SLC25A21: variants seen among roughly 807,000 people sequenced by gnomAD.
SLC25A21 encodes the protein mitochondrial 2-oxodicarboxylate carrier.
A neutral mutation model predicts 43.8 loss-of-function variants in SLC25A21; 47 were observed. That is an observed-to-expected ratio of 1.07 (90% confidence interval 0.85 to 1.37). SLC25A21 has a LOEUF of 1.37. SLC25A21 is among the 40% of genes most tolerant of loss of function. The pLI, the probability that SLC25A21 is intolerant of heterozygous loss-of-function variation, is 0.00. For missense variants in SLC25A21, 352 were observed against 350.2 expected (o/e 1.00, Z -0.04); for synonymous variants, 131 against 121.3 (o/e 1.08, Z -0.52).
rs1882056911 is a variant in SLC25A21, at chr14:36,679,088, T to C, written c.*1570A>G. 1.0e-6 allele frequency: 1 copy of C among 985,458 alleles called. No individual in the cohort carries two copies. Among genetic ancestry groups the C allele is most frequent in the Non-Finnish European group, 1.2e-6 (1 of 829,946 alleles). 61.0% of individuals were successfully genotyped at this position (985,458 alleles called of 1,614,324 possible). On this transcript the variant is annotated 3_prime_UTR_variant, in exon 10 of 10. Transcript: ENST00000331299. ...TGGAGAGGTTAAAGGTTCAATTTCA[T>C]GACCTCTATGCAGGCAGCGCTCTCA...
At chr14:37,015,541 A>C (rs1054296120) in intron 1 of SLC25A21, among the ~76,000 whole-genome samples, 7 of 151,788 alleles carry the variant, frequency 4.6e-5, no homozygotes, top group South Asian at 2.1e-4. Context: ...ATTTATAGTC[A>C]TTTGGGTATA....
At chr14:37,057,939 T>C (rs1961865903) in intron 1 of SLC25A21, among the ~76,000 whole-genome samples, 1 of 152,168 alleles carries the variant, frequency 6.6e-6, no homozygotes, top group South Asian at 2.1e-4. Flanking sequence ...CCCAGAATGG[T>C]TTGCATTTTT....
intron 4 of SLC25A21, 104 bp from the exon 5 acceptor site, chr14:36,729,670 C>A: frequency 2.1e-6 from 2 of 935,496 alleles, no homozygotes; most frequent in East Asian, 2.7e-5. Flanking sequence ...ACCAGCATTT[C>A]AAAAAATGAT....
At chr14:36,753,960 A>AGAGAGAGAGAGAGAGAG (rs1491582315) in intron 3 of SLC25A21, among the ~76,000 whole-genome samples, 4 of 141,546 alleles carry the variant, frequency 2.8e-5, no homozygotes, top group Non-Finnish European at 4.7e-5. Context: ...AGAGAGAGAG[A>AGAGAGAGAGAGAGAGAG]AAGAGAGAGA....
intron 6 of SLC25A21, among the ~76,000 whole-genome samples, chr14:36,718,924 A>C (rs1454798894): frequency 1.3e-5 from 2 of 152,158 alleles, no homozygotes; most frequent in Admixed American, 6.5e-5. Context: ...ACAGTTTCCT[A>C]TAGGTTTAGG....
intron 1 of SLC25A21, among the ~76,000 whole-genome samples, chr14:37,029,412 C>A (rs1961160363): frequency 1.3e-5 from 2 of 152,050 alleles, no homozygotes; most frequent in Non-Finnish European, 2.9e-5. Flanking sequence ...GTTGTTACTG[C>A]ATAAGTCTTT....
intron 2 of SLC25A21, among the ~76,000 whole-genome samples, chr14:36,860,134 GAAAAA>G (rs71124782): frequency 7.2e-6 from 1 of 137,992 alleles, no homozygotes. Flanking sequence ...ATAAGGTAAT[GAAAAA>G]AAAAAAAAAG....
chr14:37,058,436 GA>G (rs1961876725), intron 1 of SLC25A21, among the ~76,000 whole-genome samples: 1 of 152,154 alleles, frequency 6.6e-6, no homozygotes, highest in Admixed American at 6.5e-5. Context: ...ATAAAATAAT[GA>G]AAGCATCTCA....
intron 2 of SLC25A21, among the ~76,000 whole-genome samples, chr14:36,840,211 T>G (rs906891604): frequency 6.7e-6 from 1 of 148,236 alleles, no homozygotes; most frequent in Non-Finnish European, 1.5e-5. Flanking sequence ...AAAGCGAGGT[T>G]TTTTTTTTTA....
At chr14:36,826,628 G>A (rs1295900872) in intron 2 of SLC25A21, among the ~76,000 whole-genome samples, 1 of 152,216 alleles carries the variant, frequency 6.6e-6, no homozygotes, top group East Asian at 1.9e-4. Context: ...TGAAGTCCAT[G>A]AACATTAGTG....
chr14:36,761,458 T>C lies in SLC25A21; in HGVS notation c.204-26885A>G, dbSNP rs114717132. The stretch of plus-strand genomic sequence containing the variant: ...TTGGCTTATTTTAAAGTTGACTTGA[T>C]TGAGTTGCAGAGACTGCTATAGAGC... On this transcript the variant is annotated intron_variant, in intron 3 of 9. Transcript: ENST00000331299. Among the ~76,000 whole-genome samples, 1,450 of 152,348 alleles carry C rather than the reference T, an allele frequency of 9.5e-3. 29 individuals are homozygous for C. Among genetic ancestry groups the C allele is most frequent in the African/African-American group, 0.032 (1,351 of 41,570 alleles).
chr14:37,085,566 C>T (rs1962468359), intron 1 of SLC25A21, among the ~76,000 whole-genome samples: 1 of 152,126 alleles, frequency 6.6e-6, no homozygotes, highest in Admixed American at 6.5e-5. Context: ...ACATTGTATT[C>T]TGCTAGAAAC....
intron 1 of SLC25A21, among the ~76,000 whole-genome samples, chr14:37,059,597 A>G (rs1228897149): frequency 6.6e-6 from 1 of 152,190 alleles, no homozygotes; most frequent in Non-Finnish European, 1.5e-5. Context: ...GTTAACCGAA[A>G]CAAACAAACA....
At chr14:36,684,667 T>C in intron 8 of SLC25A21, 77 bp downstream of exon 8, 1 of 1,383,144 alleles carries the variant, frequency 7.2e-7, no homozygotes, top group Non-Finnish European at 9.7e-7. Context: ...CTGGTTCTCA[T>C]CTAAATGGAA....
At chr14:36,869,808 T>C (rs764212315) in intron 2 of SLC25A21, among the ~76,000 whole-genome samples, 9 of 152,048 alleles carry the variant, frequency 5.9e-5, no homozygotes, top group African/African-American at 1.2e-4. Flanking sequence ...ATTGGAGAAA[T>C]AGTATCCCCA....
chr14:36,826,073 T>A (rs1888820649), intron 2 of SLC25A21, among the ~76,000 whole-genome samples: 1 of 152,228 alleles, frequency 6.6e-6, no homozygotes. Flanking sequence ...TCTGTACTGG[T>A]CACCCAAGTG....
At chr14:36,904,367 G>C (rs1469805691) in intron 1 of SLC25A21, among the ~76,000 whole-genome samples, 3 of 152,046 alleles carry the variant, frequency 2.0e-5, no homozygotes, top group Admixed American at 6.6e-5. Flanking sequence ...ATACAGAATG[G>C]TTTTTCCCTT....
chr14:36,767,233 T>G (rs898022800), intron 3 of SLC25A21, among the ~76,000 whole-genome samples: 1 of 152,182 alleles, frequency 6.6e-6, no homozygotes, highest in African/African-American at 2.4e-5. Flanking sequence ...GGCTTTCATA[T>G]AAAAAGTGCT....
chr14:36,785,728 G>A (rs1031315860), intron 3 of SLC25A21, among the ~76,000 whole-genome samples: 3 of 152,110 alleles, frequency 2.0e-5, no homozygotes, highest in Non-Finnish European at 4.4e-5. Context: ...CACATTCAGG[G>A]GGCCAGATGT....
Sources: gnomAD v4.1 joint callset for allele counts (sites outside exome capture counted in the v4.1 genomes callset) on GRCh38, gnomAD v4.1.1 for gene constraint, MANE v1.5 for transcripts, NCBI Gene and HGNC (gene_info 2026-07-23, HGNC 2026-07-21) for gene names.